Variants in PIEZO2 observed in about 807,000 individuals in gnomAD.
The protein encoded by PIEZO2 is piezo type mechanosensitive ion channel component 2.
A neutral mutation model predicts 337.3 loss-of-function variants in PIEZO2; 172 were observed. The observed-to-expected ratio is 0.51, with a 90% CI of 0.45 to 0.58. The LOEUF (loss-of-function observed/expected upper bound fraction) is 0.58. PIEZO2 is among the 20% of genes least tolerant of loss of function. PIEZO2 has a pLI of 0.00. For synonymous variants in PIEZO2, 1,251 were observed against 1,228.5 expected (o/e 1.02, Z -0.38); for missense variants, 3,028 against 3,391.3 (o/e 0.89, Z 2.66).
intron 2 of PIEZO2, among the ~76,000 whole-genome samples, chr18:11,055,472 G>A (rs1240194072): frequency 1.3e-5 from 2 of 152,288 alleles, no homozygotes; most frequent in Admixed American, 1.3e-4. Context: ...AGGTTTTAAG[G>A]AGGGACATCT....
In PIEZO2 at chr18:10,676,474, A is replaced by G. The variant is rs1206078179; in HGVS notation, c.8082-1186T>C. On this transcript the variant is annotated intron_variant, in intron 53 of 55. Transcript: ENST00000674853. This position sits in a 1 kb window ranked among gnomAD's most constrained non-coding sequence, Gnocchi z 5.1. Reference sequence around the variant, plus strand: ...AGCTTTCATCTGTTGGAAGTGGAGTACTTAAGTGGCAGGATAGTATTTTGA... The same window carrying G: ...AGCTTTCATCTGTTGGAAGTGGAGTGCTTAAGTGGCAGGATAGTATTTTGA... 1.3e-5 allele frequency among the ~76,000 whole-genome samples: 2 copies of G among 152,218 alleles called. No homozygotes were observed. Among genetic ancestry groups the G allele is most frequent in the African/African-American group, 4.8e-5 (2 of 41,460 alleles).
intron 5 of PIEZO2, among the ~76,000 whole-genome samples, chr18:10,865,369 A>T (rs1568143484): frequency 6.6e-6 from 1 of 152,186 alleles, no homozygotes; most frequent in Admixed American, 6.5e-5. Flanking sequence ...AAGTGGGGAG[A>T]TCCATTTAGA....
chr18:10,825,841 A>G (rs1189856), intron 7 of PIEZO2, among the ~76,000 whole-genome samples: 69,534 of 151,894 alleles, frequency 0.46, 16,588 homozygotes, highest in African/African-American at 0.6. Flanking sequence ...GTGAGCCACC[A>G]TGCCTGGCCT....
chr18:10,673,012 G>T lies in PIEZO2; in HGVS notation c.8162-139C>A. ...ATGAAAAGGATGCATGGACATACTA[G>T]AAGCGTGAATGGGCAAGGAAGAGAG... On this transcript the variant is annotated intron_variant, in intron 54 of 55. Transcript: ENST00000674853. This position sits in a 1 kb window ranked among gnomAD's most constrained non-coding sequence, Gnocchi z 4.8. The T allele has an allele frequency of 1.4e-6, 1 of 690,034 alleles. No homozygotes were observed. The highest frequency in any genetic ancestry group is 2.4e-6 in the Non-Finnish European group (1 of 423,046). 42.7% of individuals were successfully genotyped at this position (690,034 alleles called of 1,614,324 possible).
intron 3 of PIEZO2, among the ~76,000 whole-genome samples, chr18:10,921,396 C>T (rs1033372819): frequency 1.3e-5 from 2 of 152,148 alleles, no homozygotes; most frequent in Non-Finnish European, 2.9e-5. Flanking sequence ...CAAATTAATA[C>T]TTTTATAATT....
intron 1 of PIEZO2, among the ~76,000 whole-genome samples, chr18:11,107,241 G>T (rs2039597497): frequency 6.6e-6 from 1 of 152,180 alleles, no homozygotes; most frequent in Non-Finnish European, 1.5e-5. Context: ...ACAGTGCACA[G>T]CATGTCATAA....
rs928329593 is a variant in PIEZO2, at chr18:10,780,310, C to T, written c.2534+15G>A. 4.3e-6 allele frequency: 3 copies of T among 702,690 alleles called. No homozygotes were observed. In the South Asian group the frequency reaches 4.4e-5, roughly 10 times the overall value. 43.5% of individuals were successfully genotyped at this position (702,690 alleles called of 1,614,324 possible). A position where few individuals can be genotyped will look rare whatever the true frequency, so the allele number is the denominator to read the frequency against. ...CTTCGAACAAAAATAAGAGAGAAAA[C>T]ATTGAAGTACCCACCTATTTATTAT... is the stretch of plus-strand genomic sequence containing the variant. On this transcript the variant is annotated intron_variant, in intron 18 of 55. Transcript: ENST00000674853.
Position 11,148,687 on chromosome 18 carries a change from G to C in PIEZO2, c.-99C>G, listed in dbSNP as rs536004269. On this transcript the variant is annotated 5_prime_UTR_variant, in exon 1 of 56. Transcript: ENST00000674853. The surrounding 1 kb of genome is among the most constrained non-coding windows in gnomAD (Gnocchi z 5.2). ...TGCCCGTCTATGGCCTCTCGCCGCC[G>C]GCAGCTCGCAGCCACCCGAGCATCG... is the stretch of plus-strand genomic sequence containing the variant. The C allele has an allele frequency of 3.8e-6, 5 of 1,316,658 alleles. No individual in the cohort carries two copies. Among genetic ancestry groups the C allele is most frequent in the Admixed American group, 4.1e-5 (2 of 48,802 alleles). The allele number at this position is 1,316,658 out of a possible 1,614,324, so 81.6% of individuals were successfully genotyped here.
chr18:11,051,164 A>C lies in PIEZO2; in HGVS notation c.160+14963T>G, dbSNP rs7240527. On this transcript the variant is annotated intron_variant, in intron 2 of 55. Transcript: ENST00000674853. ...AGACTTCAGAGAAACCCACACAGGCACCAGAAGTCCTTCCCTTTCATCTGC... is the reference window on the plus strand; with the variant it reads ...AGACTTCAGAGAAACCCACACAGGCCCCAGAAGTCCTTCCCTTTCATCTGC... Among the ~76,000 whole-genome samples, 220 of 152,288 alleles carry C rather than the reference A, an allele frequency of 1.4e-3. 1 individual carries two copies. The highest frequency in any genetic ancestry group is 4.9e-3 in the African/African-American group (202 of 41,564).
Position 11,148,394 on chromosome 18 carries a change from G to C in PIEZO2, c.64+131C>G. On this transcript the variant is annotated intron_variant, in intron 1 of 55. Transcript: ENST00000674853. The surrounding 1 kb of genome is among the most constrained non-coding windows in gnomAD (Gnocchi z 5.2). The stretch of plus-strand genomic sequence containing the variant: ...AGCCAGGCTGTGCACCAGGGACAGC[G>C]CGCGTCTGACGCCGCTGGCCTCCCG... The C allele has an allele frequency of 9.8e-7, 1 of 1,016,282 alleles. No individual in the cohort carries two copies. Among genetic ancestry groups the C allele is most frequent in the Admixed American group, 2.2e-5 (1 of 46,348 alleles). 63.0% of individuals were successfully genotyped at this position (1,016,282 alleles called of 1,614,324 possible).
At chr18:11,073,284 TG>T (rs1445952415) in intron 1 of PIEZO2, among the ~76,000 whole-genome samples, 4 of 152,208 alleles carry the variant, frequency 2.6e-5, no homozygotes. Context: ...TTCTTGAGTG[TG>T]GGCTGTAGCT....
At chr18:10,919,628 AG>A (rs1312980042) in intron 3 of PIEZO2, among the ~76,000 whole-genome samples, 1 of 152,136 alleles carries the variant, frequency 6.6e-6, no homozygotes, top group Non-Finnish European at 1.5e-5. Flanking sequence ...CTATGCATGG[AG>A]GGTACTGCAA....
At chr18:10,860,453 G>A (rs1302250892) in intron 5 of PIEZO2, among the ~76,000 whole-genome samples, 1 of 152,128 alleles carries the variant, frequency 6.6e-6, no homozygotes, top group Non-Finnish European at 1.5e-5. Flanking sequence ...TCCCAGGGCA[G>A]CTCTTCCATT....
intron 4 of PIEZO2, among the ~76,000 whole-genome samples, chr18:10,886,878 G>T (rs1355497179): frequency 1.3e-5 from 2 of 151,946 alleles, no homozygotes; most frequent in Non-Finnish European, 1.5e-5. Context: ...GTAAAGAAAA[G>T]AAGTTTAATT....
chr18:10,840,482 C>T (rs1277702077), intron 7 of PIEZO2, among the ~76,000 whole-genome samples: 1 of 152,030 alleles, frequency 6.6e-6, no homozygotes, highest in Non-Finnish European at 1.5e-5. Flanking sequence ...AAGGTGAATA[C>T]ACCATTTTTA....
chr18:10,740,669 G>T (rs760988256), intron 33 of PIEZO2: 12 of 354,928 alleles, frequency 3.4e-5, no homozygotes, highest in Non-Finnish European at 6.4e-5. Context: ...TTTTTAGTAA[G>T]GGTATTTAGC....
intron 1 of PIEZO2, among the ~76,000 whole-genome samples, chr18:11,089,808 C>T (rs1023006990): frequency 4.6e-5 from 7 of 152,212 alleles, no homozygotes; most frequent in Admixed American, 2.0e-4. Flanking sequence ...AAGTCAAATA[C>T]AAACCTCTTC....
Position 10,748,379 on chromosome 18 carries a change from T to C in PIEZO2, c.4424+92A>G, listed in dbSNP as rs777310788. The C allele has an allele frequency of 2.1e-5, 28 of 1,307,398 alleles. No homozygotes were observed. Among genetic ancestry groups the C allele is most frequent in the Admixed American group, 6.9e-5 (3 of 43,312 alleles). The allele number at this position is 1,307,398 out of a possible 1,614,324, so 81.0% of individuals were successfully genotyped here. On this transcript the variant is annotated intron_variant, in intron 30 of 55. Transcript: ENST00000674853. This position sits in a 1 kb window ranked among gnomAD's most constrained non-coding sequence, Gnocchi z 5.1. ...AAGGGATTTCTTAACTTCTTGTGGG[T>C]TCTAGAAGCAAGCTCAGACAGAAAT...
In PIEZO2 at chr18:11,047,928, C is replaced by T. The variant is rs527805741; in HGVS notation, c.160+18199G>A. Reference sequence around the variant, plus strand: ...CCAGGTTGCCAGGAAAGAGGAAAAACAGGCATCTTGAGGACGTGAAATCCA... The same window carrying T: ...CCAGGTTGCCAGGAAAGAGGAAAAATAGGCATCTTGAGGACGTGAAATCCA... On this transcript the variant is annotated intron_variant, in intron 2 of 55. Coordinates refer to ENST00000674853, the MANE Select transcript of PIEZO2 (RefSeq NM_001378183.1). The surrounding 1 kb of genome is among the most constrained non-coding windows in gnomAD (Gnocchi z 7.2). Among the ~76,000 whole-genome samples, 1 of 152,298 alleles carries T rather than the reference C, an allele frequency of 6.6e-6. No individual in the cohort carries two copies. Among genetic ancestry groups the T allele is most frequent in the East Asian group, 1.9e-4 (1 of 5,182 alleles).
Sources: allele counts gnomAD v4.1 joint callset (sites outside exome capture counted in the v4.1 genomes callset), GRCh38; gene constraint gnomAD v4.1.1; non-coding constraint Gnocchi (gnomAD v3.1); transcripts MANE v1.5; gene names NCBI Gene and HGNC (gene_info 2026-07-23, HGNC 2026-07-21).